Variants in DIP2A observed in about 807,000 individuals in gnomAD.
The protein encoded by DIP2A is disco-interacting protein 2 homolog A.
In DIP2A, 85 loss-of-function variants were observed where a neutral mutation model predicts 177.4. The observed-to-expected ratio is 0.48, with a 90% CI of 0.40 to 0.57. The LOEUF is 0.57. Among genes scored for constraint, DIP2A ranks in the 20% least tolerant of loss-of-function variants. DIP2A has a pLI of 0.00. For synonymous variants in DIP2A, 886 were observed against 881.8 expected, an observed-to-expected ratio of 1.00 and a Z score of -0.08; for missense variants, 1,791 against 2,100.2, an observed-to-expected ratio of 0.85 and a Z score of 2.88.
chr21:46,509,281 C>G lies in DIP2A; in HGVS notation c.809C>G (p.Ser270Cys). ...ADGVPVNSRVSSKIQQLLNTL... is the reference protein window; with the variant it reads ...ADGVPVNSRVCSKIQQLLNTL... ...GGTGTCCCTGTGAACAGCAGAGTGTCCTCCAAAATCCAGCAGCTTCTGAAC... is the reference window on the plus strand; with the variant it reads ...GGTGTCCCTGTGAACAGCAGAGTGTGCTCCAAAATCCAGCAGCTTCTGAAC... The change falls in exon 7 of 38, where the codon TCC becomes TGC. Residue 270 changes from serine to cysteine, a missense_variant. Ser to Cys is a moderately radical substitution (Grantham distance 112). Coordinates refer to ENST00000417564, the MANE Select transcript of DIP2A (RefSeq NM_015151.4). 6.2e-6 allele frequency: 10 copies of G among 1,613,664 alleles called. No individual in the cohort carries two copies. Among genetic ancestry groups the G allele is most frequent in the Non-Finnish European group, 8.5e-6 (10 of 1,179,770 alleles).
At chr21:46,489,221 C>G (rs145730644) in intron 2 of DIP2A, among the ~76,000 whole-genome samples, 1 of 152,354 alleles carries the variant, frequency 6.6e-6, no homozygotes, top group Non-Finnish European at 1.5e-5. Flanking sequence ...TGCTGTATAA[C>G]TGACCACCCC....
downstream of DIP2A, among the ~76,000 whole-genome samples, chr21:46,570,395 C>T (rs1159002800): frequency 3.9e-5 from 6 of 152,116 alleles, no homozygotes; most frequent in East Asian, 3.9e-4. Context: ...AATATGTCCT[C>T]GTGTTCATGG....
intron 1 of DIP2A, among the ~76,000 whole-genome samples, chr21:46,459,527 C>G (rs1297451994): frequency 1.8e-4 from 19 of 106,796 alleles, no homozygotes; most frequent in African/African-American, 5.7e-4. Context: ...GAACTCCCGC[C>G]CCTCACCCCC....
In DIP2A at chr21:46,504,362, T is replaced by C; in HGVS notation, c.657T>C (p.Asp219=). 1 of 1,613,836 alleles carries C rather than the reference T, an allele frequency of 6.2e-7. No individual in the cohort carries two copies. Among genetic ancestry groups the C allele is most frequent in the Non-Finnish European group, 8.5e-7 (1 of 1,179,810 alleles). ...LAGLEAHTHI[D]LHSAPPDVTT... The stretch of plus-strand genomic sequence containing the variant: ...TTTGGGTGTGTTTTTCAAAAGCAGA[T>C]CTGCATTCTGCCCCTCCTGATGTCA... Residue 219 remains aspartate, a splice_region_variant and synonymous_variant, in exon 6 of 38, where the codon GAT becomes GAC. Transcript: ENST00000417564.
chr21:46,488,191 C>A (rs1007980661), intron 2 of DIP2A, among the ~76,000 whole-genome samples: 1 of 152,160 alleles, frequency 6.6e-6, no homozygotes, highest in Non-Finnish European at 1.5e-5. Flanking sequence ...CTGGTACTAT[C>A]CTTCTGCAGG....
In DIP2A at chr21:46,537,247, G is replaced by C; in HGVS notation, c.1666G>C (p.Asp556His). The C allele has an allele frequency of 6.2e-7, 1 of 1,614,034 alleles. No homozygotes were observed. Among genetic ancestry groups the C allele is most frequent in the African/African-American group, 1.3e-5 (1 of 75,050 alleles). ...SEAETLTNVLDFKRDAGLWHG... is the reference protein window; with the variant it reads ...SEAETLTNVLHFKRDAGLWHG... ...AGCTGAAACATTAACAAACGTGCTG[G>C]ATTTCAAAAGGGATGCTGGTCTGTG... Residue 556 changes from aspartate to histidine, a missense_variant, in exon 14 of 38, where the codon GAT becomes CAT. Asp to His is a moderately conservative substitution (Grantham distance 81, BLOSUM62 -1). Coordinates refer to ENST00000417564, the MANE Select transcript of DIP2A (RefSeq NM_015151.4). This position sits in a 1 kb window ranked among gnomAD's most constrained non-coding sequence, Gnocchi z 4.1.
chr21:46,551,408 G>A (rs1051623849), intron 23 of DIP2A, among the ~76,000 whole-genome samples: 6 of 152,150 alleles, frequency 3.9e-5, no homozygotes, highest in South Asian at 2.1e-4. Flanking sequence ...TCTGAGATGC[G>A]TCGTGTAGTA....
chr21:46,579,370 A>G, the DIP2A span, among the ~76,000 whole-genome samples: 6 of 151,940 alleles, frequency 3.9e-5, no homozygotes, highest in Non-Finnish European at 8.8e-5. Flanking sequence ...CTAGCAGTCT[A>G]TCTATTTTAT....
intron 21 of DIP2A, among the ~76,000 whole-genome samples, chr21:46,547,745 C>T (rs1276487610): frequency 6.9e-6 from 1 of 144,570 alleles, no homozygotes; most frequent in Non-Finnish European, 1.5e-5. Flanking sequence ...CCATAACTCA[C>T]TGGAGCCTCT....
At position 46,498,699 on chromosome 21, in the gene DIP2A, C is replaced by T. The variant is rs1398696512; in HGVS notation, c.521C>T (p.Ser174Leu). 3 of 1,613,798 alleles carry T rather than the reference C, an allele frequency of 1.9e-6. No homozygotes were observed. Among genetic ancestry groups the T allele is most frequent in the East Asian group, 2.2e-5 (1 of 44,876 alleles). ...TGGCTCGACCGGGTCATTCAGGGCT[C>T]GTCCACCTCATCCTCTGCATCCTCC... ...EPWLDRVIQGSSTSSSASSTS... is the reference protein window; with the variant it reads ...EPWLDRVIQGLSTSSSASSTS... Residue 174 changes from serine (S) to leucine (L), a missense_variant, in exon 5 of 38, where the codon TCG becomes TTG. Physicochemically the swap from Ser to Leu is moderately radical, Grantham distance 145 (BLOSUM62 -2). Transcript: ENST00000417564. The surrounding 1 kb of genome is among the most constrained non-coding windows in gnomAD (Gnocchi z 4.3).
Position 46,567,801 on chromosome 21 carries a change from A to AT in DIP2A, c.*183dup, listed in dbSNP as rs2060879670. 1 of 692,370 alleles carries AT rather than the reference A, an allele frequency of 1.4e-6. No individual in the cohort carries two copies. The allele number at this position is 692,370 out of a possible 1,614,324, so 42.9% of individuals were successfully genotyped here. On this transcript the variant is annotated 3_prime_UTR_variant, in exon 38 of 38. Transcript: ENST00000417564. ...CACTTCCTGAATTATTTAAAGAAAT[A>AT]TTTTGAATCTGCCAAGTACATTTAC... is the stretch of plus-strand genomic sequence containing the variant.
At chr21:46,469,807 T>G (rs2055187951) in intron 1 of DIP2A, among the ~76,000 whole-genome samples, 1 of 152,116 alleles carries the variant, frequency 6.6e-6, no homozygotes, top group East Asian at 1.9e-4. Context: ...TCCCTCCCCA[T>G]TTTCCCTCAA....
intron 13 of DIP2A, among the ~76,000 whole-genome samples, chr21:46,535,987 A>T (rs967430224): frequency 2.0e-5 from 3 of 152,192 alleles, no homozygotes; most frequent in African/African-American, 7.2e-5. Context: ...AACCGACCCA[A>T]GTAGGAAAGG....
In DIP2A at chr21:46,563,799, A is replaced by G. The variant is rs1450261155; in HGVS notation, c.4090-59A>G. The G allele has an allele frequency of 1.1e-5, 17 of 1,593,676 alleles. No individual in the cohort carries two copies. Among genetic ancestry groups the G allele is most frequent in the Non-Finnish European group, 1.5e-5 (17 of 1,170,750 alleles). ...AGGGACGTTATTTTAATGTCACTGA[A>G]TCAAGAGAGTCTCGTGTCATGTTTT... On this transcript the variant is annotated intron_variant, in intron 34 of 37. Coordinates refer to ENST00000417564, the MANE Select transcript of DIP2A (RefSeq NM_015151.4). This position sits in a 1 kb window ranked among gnomAD's most constrained non-coding sequence, Gnocchi z 4.3.
chr21:46,557,627 G>A lies in DIP2A; in HGVS notation c.3672G>A (p.Glu1224=). Residue 1224 remains glutamate, a synonymous_variant, in exon 31 of 38, where the codon GAG becomes GAA. Transcript: ENST00000417564. This position sits in a 1 kb window ranked among gnomAD's most constrained non-coding sequence, Gnocchi z 6.0. ...GHQSVLVPPL[E]LESNVSLWLS... ...AATCAGTGCTGGTGCCCCCGCTGGA[G>A]CTGGAGAGCAACGTGTCCCTGTGGC... The A allele has an allele frequency of 6.2e-7, 1 of 1,613,438 alleles. No homozygotes were observed. The highest frequency in any genetic ancestry group is 2.2e-5 in the East Asian group (1 of 44,868).
Position 46,537,379 on chromosome 21 carries a change from G to A in DIP2A, c.1708-67G>A, listed in dbSNP as rs573731373. The A allele has an allele frequency of 4.7e-4, 757 of 1,609,424 alleles. No homozygotes were observed. The highest frequency in any genetic ancestry group is 6.0e-4 in the Non-Finnish European group (702 of 1,175,898). Reference sequence around the variant, plus strand: ...TGAAATGTTGTTGGGAGAGTACATCGGTTTTGTTTTGCTTTTTCTGGTGTG... The same window carrying A: ...TGAAATGTTGTTGGGAGAGTACATCAGTTTTGTTTTGCTTTTTCTGGTGTG... On this transcript the variant is annotated intron_variant, in intron 14 of 37. Coordinates refer to ENST00000417564, the MANE Select transcript of DIP2A (RefSeq NM_015151.4). This position sits in a 1 kb window ranked among gnomAD's most constrained non-coding sequence, Gnocchi z 4.1.
At chr21:46,519,910 T>A (rs2058750111) in intron 8 of DIP2A, among the ~76,000 whole-genome samples, 1 of 130,072 alleles carries the variant, frequency 7.7e-6, no homozygotes, top group African/African-American at 2.9e-5. Flanking sequence ...AGTCTTGCTC[T>A]GCTGCTCAGG....
At chr21:46,468,008 A>T (rs775045565) in intron 1 of DIP2A, among the ~76,000 whole-genome samples, 1 of 152,020 alleles carries the variant, frequency 6.6e-6, no homozygotes, top group Non-Finnish European at 1.5e-5. Context: ...TCATGCCTGT[A>T]ATCCCAGCAG....
the DIP2A span, among the ~76,000 whole-genome samples, chr21:46,578,713 T>C: frequency 6.6e-6 from 1 of 152,220 alleles, no homozygotes; most frequent in African/African-American, 2.4e-5. Flanking sequence ...ATTGATATAA[T>C]CATGTGGTTT....
Sources: gnomAD v4.1 joint callset for allele counts (sites outside exome capture counted in the v4.1 genomes callset) on GRCh38, gnomAD v4.1.1 for gene constraint, Gnocchi (gnomAD v3.1) non-coding constraint, MANE v1.5 for transcripts, NCBI Gene and HGNC (gene_info 2026-07-23, HGNC 2026-07-21) for gene names.